The following TECTA variants were observed in gnomAD, a reference collection of about 807,000 sequenced individuals.
TECTA encodes the protein alpha-tectorin.
TECTA carries 128 observed loss-of-function variants against 216.8 expected under a neutral mutation model. That is an observed-to-expected ratio of 0.59 (90% CI 0.51 to 0.68). The LOEUF is 0.68. TECTA is among the 30% of genes least tolerant of loss of function. The pLI, the probability that TECTA is intolerant of heterozygous loss-of-function variation, is 0.00. For missense variants in TECTA, 2,551 were observed against 2,786.2 expected (o/e 0.92, Z 1.90); for synonymous variants, 1,089 against 1,117.1 (o/e 0.97, Z 0.50).
Position 121,152,999 on chromosome 11 carries a change from C to A in TECTA, c.4224C>A (p.Cys1408Ter). Residue 1408 changes from cysteine (C) to a stop codon, truncating the protein, a stop_gained, in exon 13 of 24, where the codon TGC (cysteine) becomes TGA (stop). Coordinates refer to ENST00000392793, the MANE Select transcript of TECTA (RefSeq NM_005422.4). LOFTEE classifies it high-confidence loss of function. ...ACTACTGCGTGGAGGGCTGTCACTG[C>A]GACGCTGGCTACGTCCTCAACGGCA... Reference protein sequence around the residue: ...CSHYCVEGCHCDAGYVLNGKS... With the variant: ...CSHYCVEGCH 1 of 1,614,172 alleles carries A rather than the reference C, an allele frequency of 6.2e-7. No individual in the cohort carries two copies. The highest frequency in any genetic ancestry group is 1.3e-5 in the African/African-American group (1 of 75,060).
intron 15 of TECTA, among the ~76,000 whole-genome samples, 176 bp downstream of exon 15, chr11:121,160,597 T>C (rs752153836): frequency 4.6e-5 from 7 of 152,198 alleles, no homozygotes; most frequent in Non-Finnish European, 1.0e-4. Context: ...ACCCCAGTAA[T>C]TTCGTGAACT....
chr11:121,179,558 A>G (rs143216710), intron 20 of TECTA, among the ~76,000 whole-genome samples: 382 of 152,284 alleles, frequency 2.5e-3, no homozygotes, highest in African/African-American at 8.9e-3. Flanking sequence ...CATTTGGTCT[A>G]AAGTGCAATT....
At chr11:121,137,368 GTC>G in intron 10 of TECTA, 51 bp from the exon 11 acceptor site, 1 of 1,612,834 alleles carries the variant, frequency 6.2e-7, no homozygotes, top group Non-Finnish European at 8.5e-7. Flanking sequence ...GCACACTTCT[GTC>G]TCTGACTTTT....
chr11:121,154,347 G>A (rs1473678634), intron 13 of TECTA, among the ~76,000 whole-genome samples: 1 of 152,204 alleles, frequency 6.6e-6, no homozygotes. Context: ...AAGACAGGGA[G>A]GAAGTAAGGT....
At chr11:121,165,993 A>G (rs1947049558) in intron 17 of TECTA, among the ~76,000 whole-genome samples, 1 of 152,242 alleles carries the variant, frequency 6.6e-6, no homozygotes, top group African/African-American at 2.4e-5. Context: ...TGGTTGACCA[A>G]AGGCTCCTTA....
chr11:121,115,147 A>G (rs370705169), intron 6 of TECTA, among the ~76,000 whole-genome samples: 3 of 126,470 alleles, frequency 2.4e-5, no homozygotes, highest in East Asian at 5.2e-4. Flanking sequence ...CCATTTATCC[A>G]TCCACCCATT....
At chr11:121,186,215 G>T (rs1465356337) in intron 20 of TECTA, among the ~76,000 whole-genome samples, 1 of 152,150 alleles carries the variant, frequency 6.6e-6, no homozygotes, top group Non-Finnish European at 1.5e-5. Flanking sequence ...TGCAAAATGG[G>T]TCCACTAAAG....
intron 12 of TECTA, among the ~76,000 whole-genome samples, chr11:121,150,091 T>G (rs1946875335): frequency 6.6e-6 from 1 of 152,212 alleles, no homozygotes; most frequent in Non-Finnish European, 1.5e-5. Flanking sequence ...CTGTTAACAC[T>G]GGCATATGAA....
chr11:121,152,548 C>A (rs1260850118), intron 12 of TECTA, among the ~76,000 whole-genome samples: 2 of 152,120 alleles, frequency 1.3e-5, no homozygotes, highest in Admixed American at 1.3e-4. Context: ...GGGAGGTTAT[C>A]AGGTGACATG....
At chr11:121,186,201 G>A (rs1413562380) in intron 20 of TECTA, among the ~76,000 whole-genome samples, 1 of 152,000 alleles carries the variant, frequency 6.6e-6, no homozygotes, top group Non-Finnish European at 1.5e-5. Context: ...CTTAATGAAT[G>A]AGCTGCAAAA....
At chr11:121,126,207 G>A (rs954620106) in intron 8 of TECTA, among the ~76,000 whole-genome samples, 1 of 152,206 alleles carries the variant, frequency 6.6e-6, no homozygotes, top group Non-Finnish European at 1.5e-5. Flanking sequence ...TGTGGCTGTT[G>A]AGTTAATGCA....
chr11:121,191,290 TTCTG>T lies in TECTA; in HGVS notation c.*488_*491del, dbSNP rs1397720524. On this transcript the variant is annotated 3_prime_UTR_variant, in exon 24 of 24. Coordinates refer to ENST00000392793, the MANE Select transcript of TECTA (RefSeq NM_005422.4). ...GTGTCCGATCTACGTTATGCACGTGTTCTGTCTATGAGGCGCTTCTCCACCCACT... is the reference window on the plus strand; with the variant it reads ...GTGTCCGATCTACGTTATGCACGTGTTCTATGAGGCGCTTCTCCACCCACT... The T allele has an allele frequency of 4.5e-6, 1 of 219,888 alleles. No homozygotes were observed. The highest frequency in any genetic ancestry group is 2.3e-5 in the African/African-American group (1 of 43,352). 13.6% of individuals were successfully genotyped at this position (219,888 alleles called of 1,614,324 possible). A position where few individuals can be genotyped will look rare whatever the true frequency, so the allele number is the denominator to read the frequency against.
chr11:121,116,236 T>C (rs1051886703), intron 6 of TECTA, among the ~76,000 whole-genome samples: 4 of 152,236 alleles, frequency 2.6e-5, no homozygotes, highest in African/African-American at 9.6e-5. Flanking sequence ...CTACAGAGTG[T>C]AAATACGGCA....
At position 121,137,595 on chromosome 11, in the gene TECTA, A is replaced by T; in HGVS notation, c.3116A>T (p.Asn1039Ile). 1 of 1,613,962 alleles carries T rather than the reference A, an allele frequency of 6.2e-7. No homozygotes were observed. The highest frequency in any genetic ancestry group is 8.5e-7 in the Non-Finnish European group (1 of 1,180,006). ...GTCACGCGGAGTGAGTGTGGCTGCA[A>T]CTTTGAGGGGCACCAACTTGCCACC... ...QCVTRSECGC[N>I]FEGHQLATNE... is the part of the protein sequence containing the mutation. The change falls in exon 11 of 24, where the codon AAC (asparagine) becomes ATC (isoleucine). Residue 1039 changes from asparagine to isoleucine, a missense_variant. Physicochemically the swap from Asn to Ile is moderately radical, Grantham distance 149 (BLOSUM62 -3). This residue lies in a region of TECTA where 2,375 missense variants were observed against 2,563.9 expected (regional missense o/e 0.93). Coordinates refer to ENST00000392793, the MANE Select transcript of TECTA (RefSeq NM_005422.4).
chr11:121,102,036 T>G (rs749318276), intron 1 of TECTA, among the ~76,000 whole-genome samples: 2 of 152,228 alleles, frequency 1.3e-5, no homozygotes, highest in Non-Finnish European at 2.9e-5. Context: ...GGATTGGTCC[T>G]TTTTTATTAC....
chr11:121,125,088 AT>A (rs1254965009), intron 7 of TECTA, among the ~76,000 whole-genome samples: 1 of 152,232 alleles, frequency 6.6e-6, no homozygotes, highest in African/African-American at 2.4e-5. Flanking sequence ...ATCACAGCCC[AT>A]ATACACAGTG....
At chr11:121,182,236 C>T (rs186371621) in intron 20 of TECTA, among the ~76,000 whole-genome samples, 3 of 151,918 alleles carry the variant, frequency 2.0e-5, no homozygotes, top group Admixed American at 6.6e-5. Flanking sequence ...GTGGGTGGGT[C>T]CTCAGGCCCT....
Position 121,187,849 on chromosome 11 carries a change from A to G in TECTA, c.6017A>G (p.Asp2006Gly), listed in dbSNP as rs878853224. The G allele has an allele frequency of 6.2e-7, 1 of 1,614,238 alleles. No homozygotes were observed. Among genetic ancestry groups the G allele is most frequent in the Non-Finnish European group, 8.5e-7 (1 of 1,180,030 alleles). ...CTGAATAGGTGTCAGAACCTCAAAGATAACACCATTGGCATCGAGGAGAAT... is the reference window on the plus strand; with the variant it reads ...CTGAATAGGTGTCAGAACCTCAAAGGTAACACCATTGGCATCGAGGAGAAT... ...IIEGGCQNLK[D>G]NTIGIEENAV... The change falls in exon 21 of 24, where the codon GAT becomes GGT. Residue 2006 changes from aspartate (D) to glycine (G), a missense_variant. Around this residue, in one of 3 missense-constraint regions of TECTA, gnomAD observed 58 missense variants for 105.9 expected, o/e 0.55. Coordinates refer to ENST00000392793, the MANE Select transcript of TECTA (RefSeq NM_005422.4).
In TECTA at chr11:121,127,982, G is replaced by A. The variant is rs1314663067; in HGVS notation, c.2005G>A (p.Ala669Thr). 2 of 1,614,068 alleles carry A rather than the reference G, an allele frequency of 1.2e-6. No homozygotes were observed. The highest frequency in any genetic ancestry group is 1.7e-6 in the Non-Finnish European group (2 of 1,180,046). The change falls in exon 9 of 24, where the codon GCC (alanine) becomes ACC (threonine). Residue 669 changes from alanine to threonine, a missense_variant. By Grantham distance (58) the Ala-to-Thr change is moderately conservative (BLOSUM62 0). Transcript: ENST00000392793. This position sits in a 1 kb window ranked among gnomAD's most constrained non-coding sequence, Gnocchi z 5.0. ...CATGGGGGAGTTCTTCTGGGCCACG[G>A]CCAACTGCACTGTGCAATGCCTGTG... ...YTMGEFFWATANCTVQCLCEE... is the reference protein window; with the variant it reads ...YTMGEFFWATTNCTVQCLCEE...
Sources: gnomAD v4.1 joint callset for allele counts (sites outside exome capture counted in the v4.1 genomes callset) on GRCh38, gnomAD v4.1.1 for gene constraint, gnomAD v4.1.1 regional missense constraint, Gnocchi (gnomAD v3.1) non-coding constraint, MANE v1.5 for transcripts, NCBI Gene and HGNC (gene_info 2026-07-23, HGNC 2026-07-21) for gene names.